LRP2: variants seen among roughly 807,000 people sequenced by gnomAD.
LRP2 encodes the protein low-density lipoprotein receptor-related protein 2.
In LRP2, 172 loss-of-function variants were observed where a neutral mutation model predicts 531.0. The observed-to-expected ratio is 0.32, with a 90% CI of 0.29 to 0.37. LRP2 has a LOEUF of 0.37. LRP2 is among the 10% of genes least tolerant of loss of function. The pLI, the probability that LRP2 is intolerant of heterozygous loss-of-function variation, is 1.00. For missense variants in LRP2, 5,167 were observed against 5,868.3 expected (o/e 0.88, Z 3.90); for synonymous variants, 1,992 against 2,027.6 (o/e 0.98, Z 0.47).
chr2:169,238,228 T>C lies in LRP2; in HGVS notation c.4369A>G (p.Asn1457Asp), dbSNP rs1209442904. 11 of 1,614,050 alleles carry C rather than the reference T, an allele frequency of 6.8e-6. No individual in the cohort carries two copies. The highest frequency in any genetic ancestry group is 4.5e-5 in the East Asian group (2 of 44,898). Reference protein sequence around the residue: ...IADSVTSQVHNIYSLVENGSY... With the variant: ...IADSVTSQVHDIYSLVENGSY... The stretch of plus-strand genomic sequence containing the variant: ...CCATTCTCGACCAATGAATAGATAT[T>C]GTGGACCTGGGAGGTGACACTGTCG... Residue 1457 changes from asparagine (N) to aspartate (D), a missense_variant, in exon 27 of 79, where the codon AAT (asparagine) becomes GAT (aspartate). This residue lies in a region of LRP2 where 2,811 missense variants were observed against 3,058.0 expected (regional missense o/e 0.92). Transcript: ENST00000649046.
chr2:169,311,463 T>C (rs1427662935), intron 3 of LRP2, among the ~76,000 whole-genome samples: 2 of 152,228 alleles, frequency 1.3e-5, no homozygotes, highest in African/African-American at 2.4e-5. Context: ...ATGTACCCAG[T>C]AGTCATTCAG....
At chr2:169,231,626 C>T in intron 31 of LRP2, 88 bp downstream of exon 31, 1 of 1,513,110 alleles carries the variant, frequency 6.6e-7, no homozygotes, top group Non-Finnish European at 9.2e-7. Context: ...AGCACATGTT[C>T]AGTCGCAATT....
chr2:169,273,172 T>A, intron 14 of LRP2, 105 bp from the exon 15 acceptor site: 1 of 1,297,426 alleles, frequency 7.7e-7, no homozygotes, highest in Non-Finnish European at 1.1e-6. Context: ...AATAGAGTAA[T>A]GGATTAGCAA....
chr2:169,159,194 TAA>T (rs1270455219), intron 63 of LRP2, among the ~76,000 whole-genome samples: 1 of 152,132 alleles, frequency 6.6e-6, no homozygotes, highest in Non-Finnish European at 1.5e-5. Flanking sequence ...ACCTCTCAAA[TAA>T]AAAGTCTCCT....
intron 76 of LRP2, among the ~76,000 whole-genome samples, chr2:169,134,915 T>A (rs1685441470): frequency 6.6e-6 from 1 of 152,154 alleles, no homozygotes; most frequent in South Asian, 2.1e-4. Context: ...GCTGATAAAT[T>A]AGCTAAAAAA....
intron 26 of LRP2, among the ~76,000 whole-genome samples, chr2:169,238,897 G>A (rs982241991): frequency 2.0e-5 from 3 of 152,020 alleles, no homozygotes; most frequent in Non-Finnish European, 4.4e-5. Flanking sequence ...TCAAATCTCA[G>A]GTCACATTCT....
In LRP2 at chr2:169,279,659, T is replaced by A. The variant is rs1055258374; in HGVS notation, c.1342-64A>T. On this transcript the variant is annotated intron_variant, in intron 11 of 78. Transcript: ENST00000649046. ...CACTAACTACGTGGTTTGTTTTGAT[T>A]TTTTTTAGCTATAATCAAATCAGAA... 1.9e-5 allele frequency: 19 copies of A among 1,005,712 alleles called. No homozygotes were observed. In the African/African-American group the frequency reaches 2.9e-4, roughly 15 times the overall value. The allele number at this position is 1,005,712 out of a possible 1,614,324, so 62.3% of individuals were successfully genotyped here.
intron 46 of LRP2, among the ~76,000 whole-genome samples, chr2:169,196,027 A>T (rs1042182589): frequency 6.6e-6 from 1 of 152,252 alleles, no homozygotes; most frequent in Non-Finnish European, 1.5e-5. Flanking sequence ...GAGGCAGTTA[A>T]TTTGATGATA....
chr2:169,145,091 A>G (rs897820053), intron 70 of LRP2, among the ~76,000 whole-genome samples: 3 of 152,244 alleles, frequency 2.0e-5, no homozygotes, highest in African/African-American at 4.8e-5. Context: ...AGGTCTTTAT[A>G]AGGTAATTGA....
intron 9 of LRP2, among the ~76,000 whole-genome samples, chr2:169,288,786 G>C (rs1016980441): frequency 2.0e-5 from 3 of 152,184 alleles, no homozygotes; most frequent in South Asian, 4.1e-4. Context: ...TAATGGATAG[G>C]TTCCAGGTAG....
Position 169,201,669 on chromosome 2 carries a change from T to A in LRP2, c.8411A>T (p.Asp2804Val). ...TGAAGTGTTATTATCATGGCAGTTG[T>A]CTACACCATTGCAGATAAACTCACG... is the stretch of plus-strand genomic sequence containing the variant. ...IPREFICNGV[D>V]NCHDNNTSDE... is the part of the protein sequence containing the mutation. The change falls in exon 44 of 79, where the codon GAC becomes GTC. Residue 2804 changes from aspartate to valine, a missense_variant. Physicochemically the swap from Asp to Val is radical, Grantham distance 152. This residue lies in a region of LRP2 where 1,129 missense variants were observed against 1,362.7 expected (regional missense o/e 0.83). Coordinates refer to ENST00000649046, the MANE Select transcript of LRP2 (RefSeq NM_004525.3). The A allele has an allele frequency of 1.2e-6, 2 of 1,614,188 alleles. No homozygotes were observed. The highest frequency in any genetic ancestry group is 1.7e-6 in the Non-Finnish European group (2 of 1,180,028).
intron 10 of LRP2, among the ~76,000 whole-genome samples, chr2:169,281,717 CAAAAATAAATAAAT>C (rs980244430): frequency 2.0e-4 from 30 of 151,208 alleles, no homozygotes; most frequent in Middle Eastern, 3.4e-3. Flanking sequence ...GACTCATTCT[CAAAAATAAATAAAT>C]AAAAATAAAT....
intron 2 of LRP2, among the ~76,000 whole-genome samples, chr2:169,319,458 G>A (rs1354001321): frequency 1.3e-5 from 2 of 152,128 alleles, no homozygotes; most frequent in Non-Finnish European, 2.9e-5. Context: ...AATGTTACTT[G>A]CTATCACTAT....
chr2:169,305,436 T>C (rs1388345773), intron 4 of LRP2, among the ~76,000 whole-genome samples: 1 of 152,204 alleles, frequency 6.6e-6, no homozygotes, highest in Non-Finnish European at 1.5e-5. Flanking sequence ...CACAAGATAG[T>C]TCTTTTATCA....
At chr2:169,139,213 A>T in intron 74 of LRP2, 38 bp downstream of exon 74, 1 of 1,614,046 alleles carries the variant, frequency 6.2e-7, no homozygotes, top group Non-Finnish European at 8.5e-7. Flanking sequence ...TGAATTTCTT[A>T]GGCTTCAAAC....
chr2:169,133,749 A>G (rs1324962765), intron 76 of LRP2, among the ~76,000 whole-genome samples: 2 of 152,044 alleles, frequency 1.3e-5, no homozygotes, highest in African/African-American at 2.4e-5. Flanking sequence ...CTATATTCCT[A>G]TTTCATCTCC....
intron 5 of LRP2, 84 bp downstream of exon 5, chr2:169,294,516 G>A: frequency 2.0e-6 from 2 of 997,094 alleles, no homozygotes; most frequent in Non-Finnish European, 3.2e-6. Context: ...ACCTGAACTT[G>A]GGAAGAGATG....
intron 63 of LRP2, among the ~76,000 whole-genome samples, chr2:169,158,213 T>C (rs1033010411): frequency 3.3e-5 from 5 of 152,002 alleles, no homozygotes; most frequent in African/African-American, 1.2e-4. Flanking sequence ...AATTTTGTAC[T>C]ATGTATGTAT....
rs1559073954 is a variant in LRP2 at position 169,320,840 on chromosome 2, G to C, written c.124C>G (p.Pro42Ala). 6.2e-7 allele frequency: 1 copy of C among 1,614,004 alleles called. No individual in the cohort carries two copies. The highest frequency in any genetic ancestry group is 2.2e-5 in the East Asian group (1 of 44,884). The change falls in exon 2 of 79, where the codon CCT becomes GCT. Residue 42 changes from proline (P) to alanine (A), a missense_variant. Pro to Ala is a conservative substitution (Grantham distance 27). Coordinates refer to ENST00000649046, the MANE Select transcript of LRP2 (RefSeq NM_004525.3). ...HFRCGSGHCI[P>A]ADWRCDGTKD... ...GTCCCATCACACCTCCAGTCTGCAG[G>C]GATGCAATGCCCACTTCCACAGCGA...
Sources: allele counts gnomAD v4.1 joint callset (sites outside exome capture counted in the v4.1 genomes callset), GRCh38; gene constraint gnomAD v4.1.1; regional missense constraint gnomAD v4.1.1; transcripts MANE v1.5; gene names NCBI Gene and HGNC (gene_info 2026-07-23, HGNC 2026-07-21).